MBD5: variants seen among roughly 807,000 people sequenced by gnomAD.
MBD5 encodes the protein methyl-CpG binding domain protein 5.
MBD5 carries 13 observed loss-of-function variants against 117.3 expected under a neutral mutation model. The observed-to-expected ratio is 0.11, with a 90% CI of 0.07 to 0.18. MBD5 has a LOEUF of 0.18. MBD5 is among the 10% of genes least tolerant of loss of function. The pLI, the probability that MBD5 is intolerant of heterozygous loss-of-function variation, is 1.00. For missense variants in MBD5, 1,879 were observed against 2,093.8 expected, an observed-to-expected ratio of 0.90 and a Z score of 2.00; for synonymous variants, 727 against 766.4, an observed-to-expected ratio of 0.95 and a Z score of 0.85.
chr2:148,469,080 C>A lies in MBD5; in HGVS notation c.1137C>A (p.Thr379=). The A allele has an allele frequency of 6.2e-7, 1 of 1,614,034 alleles. No homozygotes were observed. The highest frequency in any genetic ancestry group is 8.5e-7 in the Non-Finnish European group (1 of 1,179,976). Residue 379 remains threonine, a synonymous_variant, in exon 8 of 14, where the codon ACC becomes ACA. Coordinates refer to ENST00000642680, the MANE Select transcript of MBD5 (RefSeq NM_001378120.1). Reference sequence around the variant, plus strand: ...AGAACCCTGTTATCATTAATCCAACCAGTTTCCATTCAAATGTCCACTCTC... The same window carrying A: ...AGAACCCTGTTATCATTAATCCAACAAGTTTCCATTCAAATGTCCACTCTC... ...VNQNPVIINP[T]SFHSNVHSQV... is the part of the protein sequence containing the mutation.
rs1217510605 is a variant in MBD5, at chr2:148,515,204, A to G, written c.*2263A>G. ...GTATGTGTGTATGTGTTGATATGTA[A>G]ATTTTTTAGCCTTTGCTTTTCTGTC... On this transcript the variant is annotated 3_prime_UTR_variant, in exon 14 of 14. Coordinates refer to ENST00000642680, the MANE Select transcript of MBD5 (RefSeq NM_001378120.1). The G allele has an allele frequency of 6.6e-6, 1 of 151,908 alleles. No homozygotes were observed. Among genetic ancestry groups the G allele is most frequent in the African/African-American group, 2.4e-5 (1 of 41,346 alleles). 9.4% of individuals were successfully genotyped at this position (151,908 alleles called of 1,614,324 possible).
intron 1 of MBD5, among the ~76,000 whole-genome samples, chr2:148,123,678 G>A (rs910048348): frequency 1.3e-5 from 2 of 152,162 alleles, no homozygotes; most frequent in Non-Finnish European, 2.9e-5. Context: ...TGAGAGGTTA[G>A]GATTAGTGAA....
At chr2:148,159,075 C>T (rs1697943415) in intron 1 of MBD5, among the ~76,000 whole-genome samples, 2 of 152,160 alleles carry the variant, frequency 1.3e-5, no homozygotes, top group Non-Finnish European at 2.9e-5. Flanking sequence ...AACTGCTTTT[C>T]TACCTACTTT....
chr2:148,416,306 C>T (rs1251727126), intron 4 of MBD5, among the ~76,000 whole-genome samples: 1 of 152,134 alleles, frequency 6.6e-6, no homozygotes, highest in African/African-American at 2.4e-5. Context: ...TGTTCTCTGG[C>T]TCTTTAAGGT....
At position 148,130,841 on chromosome 2, in the gene MBD5, A is replaced by G. The variant is rs926102443; in HGVS notation, c.-924-47859A>G. Among the ~76,000 whole-genome samples, 24 of 152,196 alleles carry G rather than the reference A, an allele frequency of 1.6e-4. 1 individual carries two copies. Among genetic ancestry groups the G allele is most frequent in the African/African-American group, 5.8e-4 (24 of 41,454 alleles). On this transcript the variant is annotated intron_variant, in intron 1 of 13. Coordinates refer to ENST00000642680, the MANE Select transcript of MBD5 (RefSeq NM_001378120.1). ...TTTACTCACTTAGTGATGGTTAATG[A>G]TTCTCCTGGGCAAGGTTGGGGAGAC...
chr2:148,480,240 C>A (rs759438822), intron 8 of MBD5, among the ~76,000 whole-genome samples: 1 of 152,056 alleles, frequency 6.6e-6, no homozygotes, highest in African/African-American at 2.4e-5. Context: ...ATCTATACTT[C>A]GCTTCTTCTA....
intron 4 of MBD5, among the ~76,000 whole-genome samples, chr2:148,455,937 C>G (rs538387695): frequency 6.6e-6 from 1 of 152,128 alleles, no homozygotes; most frequent in Admixed American, 6.6e-5. Flanking sequence ...TTTGACAAAA[C>G]TAGAGGTCCA....
At chr2:148,068,872 T>G (rs1428854657) in intron 1 of MBD5, among the ~76,000 whole-genome samples, 1 of 152,178 alleles carries the variant, frequency 6.6e-6, no homozygotes, top group Non-Finnish European at 1.5e-5. Context: ...AGATTGGACC[T>G]TTAAGGTCAT....
Position 148,326,289 on chromosome 2 carries a change from G to A in MBD5, c.-679-15925G>A, listed in dbSNP as rs1390830754. ...TAAATTTTGGAATAGGTGTGGTGTG[G>A]TGCTGAAAAAAATGTATATTCTGTT... On this transcript the variant is annotated intron_variant, in intron 3 of 13. Coordinates refer to ENST00000642680, the MANE Select transcript of MBD5 (RefSeq NM_001378120.1). Among the ~76,000 whole-genome samples, 5 of 152,184 alleles carry A rather than the reference G, an allele frequency of 3.3e-5. No homozygotes were observed. In the South Asian group the frequency reaches 6.2e-4, roughly 19 times the overall value.
At chr2:148,245,486 A>G (rs1042677666) in intron 3 of MBD5, among the ~76,000 whole-genome samples, 1 of 151,986 alleles carries the variant, frequency 6.6e-6, no homozygotes, top group Non-Finnish European at 1.5e-5. Context: ...GGTCCCAGCT[A>G]CTCAGGAGGC....
intron 4 of MBD5, among the ~76,000 whole-genome samples, chr2:148,353,523 A>G (rs142626451): frequency 6.6e-6 from 1 of 152,222 alleles, no homozygotes; most frequent in Non-Finnish European, 1.5e-5. Context: ...AGGAAGCATT[A>G]TATACTCACT....
Position 148,021,147 on chromosome 2 carries a change from G to A in MBD5, c.-1462G>A, listed in dbSNP as rs1356987929. ...GATGATGAAGAGAGAGGCAGTGGCA[G>A]AGGGGGGGCACCTTTTATTTCTATT... On this transcript the variant is annotated 5_prime_UTR_variant, in exon 1 of 14. Transcript: ENST00000642680. 1 of 155,112 alleles carries A rather than the reference G, an allele frequency of 6.4e-6. No individual in the cohort carries two copies. The highest frequency in any genetic ancestry group is 1.4e-5 in the Non-Finnish European group (1 of 69,686). 9.6% of individuals were successfully genotyped at this position (155,112 alleles called of 1,614,324 possible). A position where few individuals can be genotyped will look rare whatever the true frequency, so the allele number is the denominator to read the frequency against.
chr2:148,058,267 A>C (rs1460409306), intron 1 of MBD5, among the ~76,000 whole-genome samples: 1 of 152,074 alleles, frequency 6.6e-6, no homozygotes, highest in Non-Finnish European at 1.5e-5. Context: ...GAAACCCTAC[A>C]AATTAAGTAA....
At position 148,045,763 on chromosome 2, in the gene MBD5, G is replaced by C. The variant is rs577878331; in HGVS notation, c.-925+24079G>C. On this transcript the variant is annotated intron_variant, in intron 1 of 13. Coordinates refer to ENST00000642680, the MANE Select transcript of MBD5 (RefSeq NM_001378120.1). ...ACTGTTACCTACTAGTAAATGTAAA[G>C]AGGAAATGTCATTTCTCTTCTTTCT... Among the ~76,000 whole-genome samples, 8 of 152,192 alleles carry C rather than the reference G, an allele frequency of 5.3e-5. No homozygotes were observed. The East Asian group carries it at 1.5e-3, about 29-fold the overall frequency.
chr2:148,508,808 T>G (rs1682123959), intron 12 of MBD5, among the ~76,000 whole-genome samples: 1 of 152,158 alleles, frequency 6.6e-6, no homozygotes, highest in African/African-American at 2.4e-5. Flanking sequence ...CTGGGCCACC[T>G]TTGACAAATA....
At chr2:148,203,566 G>A (rs1267859354) in intron 2 of MBD5, among the ~76,000 whole-genome samples, 1 of 152,140 alleles carries the variant, frequency 6.6e-6, no homozygotes, top group Non-Finnish European at 1.5e-5. Flanking sequence ...TTCAAGAGGT[G>A]CGTGTGCATT....
At chr2:148,362,301 G>C (rs1218412483) in intron 4 of MBD5, among the ~76,000 whole-genome samples, 1 of 152,168 alleles carries the variant, frequency 6.6e-6, no homozygotes, top group Non-Finnish European at 1.5e-5. Flanking sequence ...TTGGTGGGGG[G>C]AGGGGCATCC....
At position 148,469,411 on chromosome 2, in the gene MBD5, C is replaced by T. The variant is rs1165270808; in HGVS notation, c.1468C>T (p.Pro490Ser). The T allele has an allele frequency of 6.2e-7, 1 of 1,613,696 alleles. No individual in the cohort carries two copies. Among genetic ancestry groups the T allele is most frequent in the African/African-American group, 1.3e-5 (1 of 74,900 alleles). Reference protein sequence around the residue: ...QATSSGIKVPPRSPRSTIGSP... With the variant: ...QATSSGIKVPSRSPRSTIGSP... Reference sequence around the variant, plus strand: ...CACTTCTAGTGGTATTAAGGTTCCACCCAGGTCACCAAGGTCAACAATAGG... The same window carrying T: ...CACTTCTAGTGGTATTAAGGTTCCATCCAGGTCACCAAGGTCAACAATAGG... Residue 490 changes from proline (P) to serine (S), a missense_variant, in exon 8 of 14, where the codon CCC becomes TCC. By Grantham distance (74) the Pro-to-Ser change is moderately conservative. Coordinates refer to ENST00000642680, the MANE Select transcript of MBD5 (RefSeq NM_001378120.1).
At chr2:148,393,553 A>G (rs1458413641) in intron 4 of MBD5, among the ~76,000 whole-genome samples, 2 of 152,154 alleles carry the variant, frequency 1.3e-5, no homozygotes, top group Admixed American at 6.5e-5. Context: ...CAAAATAAAA[A>G]AGAACAAAAA....
Sources: allele counts gnomAD v4.1 joint callset (sites outside exome capture counted in the v4.1 genomes callset), GRCh38; gene constraint gnomAD v4.1.1; transcripts MANE v1.5; gene names NCBI Gene and HGNC (gene_info 2026-07-23, HGNC 2026-07-21).